MAP6: variants seen among roughly 807,000 people sequenced by gnomAD.
The protein encoded by MAP6 is microtubule associated protein 6, also known as microtubule-associated protein 6.
MAP6 carries 26 observed loss-of-function variants against 42.4 expected under a neutral mutation model. The ratio of observed to expected loss-of-function variants is 0.61; its 90% CI spans 0.45 to 0.85. The LOEUF is 0.85. Among genes scored for constraint, MAP6 ranks in the 40% least tolerant of loss-of-function variants. The pLI is 0.00. For missense variants in MAP6, 966 were observed against 1,099.0 expected, an observed-to-expected ratio of 0.88 and a Z score of 1.71; for synonymous variants, 418 against 443.8, an observed-to-expected ratio of 0.94 and a Z score of 0.73.
intron 1 of MAP6, among the ~76,000 whole-genome samples, chr11:75,640,084 C>T (rs573885336): frequency 4.6e-5 from 7 of 152,254 alleles, no homozygotes; most frequent in South Asian, 4.1e-4. Context: ...CCCAGACAGG[C>T]GGCTCCTAGA....
chr11:75,630,320 G>A (rs1425391162), intron 1 of MAP6, among the ~76,000 whole-genome samples: 1 of 151,956 alleles, frequency 6.6e-6, no homozygotes, highest in East Asian at 1.9e-4. Context: ...TCTATTTTTT[G>A]GAAGAGTTTG....
intron 1 of MAP6, among the ~76,000 whole-genome samples, chr11:75,655,027 C>T (rs1468496278): frequency 2.6e-5 from 4 of 152,096 alleles, no homozygotes; most frequent in African/African-American, 9.7e-5. Context: ...CACCAGGGCC[C>T]GCCTGGTACT....
At chr11:75,639,999 C>T (rs1476968698) in intron 1 of MAP6, among the ~76,000 whole-genome samples, 6 of 152,098 alleles carry the variant, frequency 3.9e-5, no homozygotes, top group Admixed American at 3.3e-4. Flanking sequence ...ACTTAATTTC[C>T]ACTCTCCCCT....
intron 1 of MAP6, among the ~76,000 whole-genome samples, chr11:75,617,341 A>C (rs987893591): frequency 6.6e-6 from 1 of 151,642 alleles, no homozygotes; most frequent in Admixed American, 6.6e-5. Context: ...ACATGGTAAA[A>C]CCCCCTCTCT....
At chr11:75,652,190 A>AT (rs1403028115) in intron 1 of MAP6, among the ~76,000 whole-genome samples, 7 of 152,156 alleles carry the variant, frequency 4.6e-5, no homozygotes, top group Admixed American at 1.3e-4. Flanking sequence ...AATAACCTTA[A>AT]TTTTGCATCT....
intron 1 of MAP6, among the ~76,000 whole-genome samples, chr11:75,646,520 A>AAAAAAAAC (rs1943555826): frequency 6.6e-6 from 1 of 150,620 alleles, no homozygotes; most frequent in Non-Finnish European, 1.5e-5. Flanking sequence ...AAAAAAAAAA[A>AAAAAAAAC]AAAGGCAAGA....
chr11:75,646,954 T>C (rs1435989537), intron 1 of MAP6, among the ~76,000 whole-genome samples: 3 of 151,182 alleles, frequency 2.0e-5, no homozygotes, highest in South Asian at 4.2e-4. Context: ...AACATGGAAA[T>C]TGGGAGCAGT....
chr11:75,660,128 C>T (rs545737715), intron 1 of MAP6, among the ~76,000 whole-genome samples: 1 of 152,260 alleles, frequency 6.6e-6, no homozygotes, highest in Non-Finnish European at 1.5e-5. Context: ...ATCACTCCTC[C>T]TTCAACTTTT....
intron 1 of MAP6, among the ~76,000 whole-genome samples, chr11:75,617,545 A>C (rs1025789004): frequency 5.4e-5 from 8 of 148,124 alleles, no homozygotes; most frequent in Non-Finnish European, 1.0e-4. Context: ...AAAAAAACCC[A>C]AAAACTCAAA....
chr11:75,630,712 T>C (rs553113575), intron 1 of MAP6, among the ~76,000 whole-genome samples: 1 of 152,366 alleles, frequency 6.6e-6, no homozygotes, highest in South Asian at 2.1e-4. Context: ...TCCAGCTTCC[T>C]ATCTGTATCT....
At chr11:75,601,401 A>C (rs1942661572) in intron 3 of MAP6, among the ~76,000 whole-genome samples, 3 of 152,018 alleles carry the variant, frequency 2.0e-5, no homozygotes, top group Admixed American at 2.0e-4. Context: ...TTATTTCTTG[A>C]GCAGCTTTTG....
Position 75,613,335 on chromosome 11 carries a change from G to A in MAP6, c.906-5013C>T, listed in dbSNP as rs150524237. Among the ~76,000 whole-genome samples the A allele has an allele frequency of 1.2e-3, 188 of 152,232 alleles. 2 individuals are homozygous for A. The highest frequency in any genetic ancestry group is 4.4e-3 in the African/African-American group (182 of 41,512). ...AAAGCTCACACCTGGGGATGGATGT[G>A]TAACCCAAGCTTGTCTTCGTTTCCT... On this transcript the variant is annotated intron_variant, in intron 1 of 3. Transcript: ENST00000304771.
At chr11:75,638,805 T>C (rs1943414333) in intron 1 of MAP6, among the ~76,000 whole-genome samples, 2 of 152,176 alleles carry the variant, frequency 1.3e-5, no homozygotes, top group Non-Finnish European at 2.9e-5. Flanking sequence ...CACTACTGGG[T>C]ATCTACCCCA....
At chr11:75,617,514 C>CA (rs61477947) in intron 1 of MAP6, among the ~76,000 whole-genome samples, 9,895 of 27,754 alleles carry the variant, frequency 0.36, 2,119 homozygotes, top group Non-Finnish European at 0.39. Flanking sequence ...AGACTGTCTC[C>CA]AAAAAAAAAA....
intron 3 of MAP6, among the ~76,000 whole-genome samples, chr11:75,592,421 G>A (rs1942497961): frequency 6.6e-6 from 1 of 152,172 alleles, no homozygotes; most frequent in Non-Finnish European, 1.5e-5. Flanking sequence ...GCTGAAAGCT[G>A]GTTCATCCTC....
chr11:75,592,409 T>G (rs1306000427), intron 3 of MAP6, among the ~76,000 whole-genome samples: 1 of 152,238 alleles, frequency 6.6e-6, no homozygotes, highest in African/African-American at 2.4e-5. Context: ...AAAGTTATTG[T>G]TGCTGAAAGC....
chr11:75,607,716 G>A, intron 2 of MAP6: 2 of 981,732 alleles, frequency 2.0e-6, no homozygotes, highest in Non-Finnish European at 2.4e-6. Context: ...GGTCTGGTGG[G>A]AGGGGAGCCG....
chr11:75,589,452 C>T (rs1942436763), intron 3 of MAP6, among the ~76,000 whole-genome samples: 1 of 152,224 alleles, frequency 6.6e-6, no homozygotes, highest in African/African-American at 2.4e-5. Context: ...TACAACACAT[C>T]CAGCTTTCCG....
chr11:75,650,126 A>T (rs1943624788), intron 1 of MAP6, among the ~76,000 whole-genome samples: 1 of 152,114 alleles, frequency 6.6e-6, no homozygotes, highest in South Asian at 2.1e-4. Context: ...CCATGCTTTG[A>T]CATCACGCAC....
Sources: gnomAD v4.1 joint callset for allele counts (sites outside exome capture counted in the v4.1 genomes callset) on GRCh38, gnomAD v4.1.1 for gene constraint, MANE v1.5 for transcripts, NCBI Gene and HGNC (gene_info 2026-07-23, HGNC 2026-07-21) for gene names.